VAV2: variants seen among roughly 807,000 people sequenced by gnomAD.
The protein encoded by VAV2 is vav guanine nucleotide exchange factor 2.
Under a neutral mutation model 132.5 loss-of-function variants are expected in VAV2, and 67 were observed. The ratio of observed to expected loss-of-function variants is 0.51; its 90% CI spans 0.42 to 0.62. The LOEUF (loss-of-function observed/expected upper bound fraction) is 0.62. Among genes scored for constraint, VAV2 ranks in the 20% least tolerant of loss-of-function variants. VAV2 has a pLI of 0.00. For missense variants in VAV2, 938 were observed against 1,153.6 expected (o/e 0.81, Z 2.71); for synonymous variants, 492 against 443.5 (o/e 1.11, Z -1.37).
At chr9:133,929,425 C>T (rs1381713395) in intron 2 of VAV2, among the ~76,000 whole-genome samples, 2 of 152,126 alleles carry the variant, frequency 1.3e-5, no homozygotes, top group African/African-American at 2.4e-5. Context: ...GGGTGCTGTG[C>T]TGACAGGTGG....
intron 2 of VAV2, among the ~76,000 whole-genome samples, chr9:133,916,795 A>G (rs1457928569): frequency 1.6e-5 from 1 of 64,288 alleles, no homozygotes; most frequent in Non-Finnish European, 4.4e-5. Flanking sequence ...CTGAATGCAG[A>G]TGTTGGGACT....
At chr9:133,916,626 C>T (rs949628853) in intron 2 of VAV2, among the ~76,000 whole-genome samples, 1 of 151,996 alleles carries the variant, frequency 6.6e-6, no homozygotes, top group Admixed American at 6.6e-5. Flanking sequence ...AGAGAAGAGC[C>T]GGGAGTGCCT....
intron 19 of VAV2, 29 bp from the exon 20 acceptor site, chr9:133,780,739 G>A (rs1833978460): frequency 7.9e-7 from 1 of 1,266,494 alleles, no homozygotes; most frequent in Non-Finnish European, 1.0e-6. Context: ...AGGTGTTAGA[G>A]GGGAGGCCAC....
intron 3 of VAV2, among the ~76,000 whole-genome samples, chr9:133,851,432 C>A (rs903598796): frequency 2.0e-5 from 3 of 152,214 alleles, no homozygotes; most frequent in African/African-American, 7.2e-5. Flanking sequence ...CCGGTGAGGA[C>A]ACTGAGGTTC....
At chr9:133,875,149 T>C (rs1838212124) in intron 2 of VAV2, among the ~76,000 whole-genome samples, 1 of 152,190 alleles carries the variant, frequency 6.6e-6, no homozygotes. Flanking sequence ...CCCCAAGCTC[T>C]GAACTCTCAC....
rs1834619385 is a variant in VAV2 at position 133,794,322 on chromosome 9, T to C, written c.1101+1346A>G. ...CATGGCAGGAGGCTTTCCTGGAGCA[T>C]TCCTCAGGGTGCTCGCTGCCCAGTG... On this transcript the variant is annotated intron_variant, in intron 12 of 29. Transcript: ENST00000371850. This position sits in a 1 kb window ranked among gnomAD's most constrained non-coding sequence, Gnocchi z 4.6. Among the ~76,000 whole-genome samples the C allele has an allele frequency of 6.6e-6, 1 of 151,454 alleles. No individual in the cohort carries two copies. The highest frequency in any genetic ancestry group is 1.5e-5 in the Non-Finnish European group (1 of 67,944).
intron 1 of VAV2, among the ~76,000 whole-genome samples, chr9:133,945,245 T>A (rs1211793628): frequency 2.0e-5 from 3 of 152,128 alleles, no homozygotes; most frequent in Admixed American, 6.5e-5. Context: ...TTTTCTTTTT[T>A]AAAATGACAA....
intron 3 of VAV2, among the ~76,000 whole-genome samples, chr9:133,856,160 C>A (rs144812896): frequency 6.6e-6 from 1 of 152,240 alleles, no homozygotes; most frequent in East Asian, 1.9e-4. Flanking sequence ...CTGCTCATGG[C>A]GACCGGTTTC....
At position 133,785,841 on chromosome 9, in the gene VAV2, G is replaced by A. The variant is rs144823818; in HGVS notation, c.1467C>T (p.Gly489=). 1.4e-5 allele frequency: 22 copies of A among 1,613,934 alleles called. No homozygotes were observed. In the African/African-American group the frequency reaches 2.8e-4, roughly 21 times the overall value. The change falls in exon 17 of 30, where the codon GGC becomes GGT. Residue 489 remains glycine, a synonymous_variant. Transcript: ENST00000371850. ...FYLIHLQGKQ[G]FQFFCKTEDM... ...CTTCTGTTTTGCAGAAAAACTGGAA[G>A]CCCTGCTTTCCTTGAAGGTGAATTA...
intron 13 of VAV2, among the ~76,000 whole-genome samples, 183 bp from the exon 14 acceptor site, chr9:133,789,526 G>A (rs140644464): frequency 7.3e-4 from 111 of 152,322 alleles, no homozygotes; most frequent in African/African-American, 2.6e-3. Flanking sequence ...GGGTGCAGAA[G>A]ACCGGGAAGG....
chr9:133,787,960 G>C (rs1177639801), intron 15 of VAV2, among the ~76,000 whole-genome samples: 1 of 152,246 alleles, frequency 6.6e-6, no homozygotes, highest in East Asian at 1.9e-4. Flanking sequence ...GGACGGGAGA[G>C]GAAAGCCTGC....
chr9:133,788,230 C>CCCCCCCCCCCCA lies in VAV2; in HGVS notation c.1407+123_1407+124insTGGGGGGGGGGG. 1 of 809,532 alleles carries CCCCCCCCCCCCA rather than the reference C, an allele frequency of 1.2e-6. No homozygotes were observed. The highest frequency in any genetic ancestry group is 1.9e-6 in the Non-Finnish European group (1 of 519,352). 50.1% of individuals were successfully genotyped at this position (809,532 alleles called of 1,614,324 possible). ...TCCTGCAGAGCGGAGACGCCCACCC[C>CCCCCCCCCCCCA]AACCCACCCGGCCAGCATCAGCGGC... is the stretch of plus-strand genomic sequence containing the variant. On this transcript the variant is annotated intron_variant, in intron 15 of 29. Transcript: ENST00000371850. This position sits in a 1 kb window ranked among gnomAD's most constrained non-coding sequence, Gnocchi z 5.3.
chr9:133,976,979 A>T (rs573941105), intron 1 of VAV2, among the ~76,000 whole-genome samples: 2 of 152,298 alleles, frequency 1.3e-5, no homozygotes, highest in South Asian at 4.1e-4. Context: ...CTGTGCCTGG[A>T]CACCCCAAGG....
At chr9:133,862,954 C>T (rs1225398989) in intron 2 of VAV2, among the ~76,000 whole-genome samples, 4 of 152,144 alleles carry the variant, frequency 2.6e-5, no homozygotes, top group African/African-American at 9.7e-5. Context: ...GCTCGTGATT[C>T]GGGACCGGCG....
In VAV2 at chr9:133,820,604, C is replaced by T. The variant is rs558889226; in HGVS notation, c.450-8388G>A. Among the ~76,000 whole-genome samples, 312 of 152,130 alleles carry T rather than the reference C, an allele frequency of 2.1e-3. 1 individual carries two copies. Among genetic ancestry groups the T allele is most frequent in the Non-Finnish European group, 3.7e-3 (251 of 67,982 alleles). On this transcript the variant is annotated intron_variant, in intron 4 of 29. Transcript: ENST00000371850. ...CCTCCCAAAGTGCTGGGATTACAGGCGTGAGCCACCGCGCCCGGCCTCCAT... is the reference window on the plus strand; with the variant it reads ...CCTCCCAAAGTGCTGGGATTACAGGTGTGAGCCACCGCGCCCGGCCTCCAT...
intron 2 of VAV2, among the ~76,000 whole-genome samples, chr9:133,937,534 G>A (rs989553505): frequency 3.8e-5 from 4 of 105,628 alleles, no homozygotes; most frequent in Non-Finnish European, 7.3e-5. Flanking sequence ...GAGAGTGTGT[G>A]TGAGAGTGTG....
chr9:133,859,459 G>C (rs1210263054), intron 3 of VAV2, among the ~76,000 whole-genome samples: 1 of 152,230 alleles, frequency 6.6e-6, no homozygotes, highest in African/African-American at 2.4e-5. Flanking sequence ...CCCAGGAACA[G>C]AATCAGGTCA....
intron 4 of VAV2, among the ~76,000 whole-genome samples, chr9:133,827,245 C>CGGGCATCGCCAACTACTGCTG (rs1836037865): frequency 1.2e-4 from 5 of 43,204 alleles, no homozygotes; most frequent in Admixed American, 3.2e-4. Flanking sequence ...GGGCTGACCA[C>CGGGCATCGCCAACTACTGCTG]TGAGCGGGGG....
At chr9:133,796,385 C>T (rs1421295031) in intron 11 of VAV2, 44 bp downstream of exon 11, 4 of 1,569,672 alleles carry the variant, frequency 2.5e-6, no homozygotes, top group African/African-American at 1.3e-5. Flanking sequence ...TCATCTGACT[C>T]CAGCAGTGAT....
Sources: allele counts gnomAD v4.1 joint callset (sites outside exome capture counted in the v4.1 genomes callset), GRCh38; gene constraint gnomAD v4.1.1; non-coding constraint Gnocchi (gnomAD v3.1); transcripts MANE v1.5; gene names NCBI Gene and HGNC (gene_info 2026-07-23, HGNC 2026-07-21).